STAC: variants seen among roughly 807,000 people sequenced by gnomAD.
The protein encoded by STAC is SH3 and cysteine-rich domain-containing protein.
Under a neutral mutation model 48.8 loss-of-function variants are expected in STAC, and 43 were observed. The observed-to-expected ratio is 0.88, with a 90% CI of 0.69 to 1.14. STAC has a LOEUF of 1.14. STAC is among the 50% of genes most tolerant of loss of function. The pLI is 0.00. For missense variants in STAC, 497 were observed against 504.0 expected, an observed-to-expected ratio of 0.99 and a Z score of 0.13; for synonymous variants, 193 against 179.5, an observed-to-expected ratio of 1.07 and a Z score of -0.60.
At chr3:36,384,431 T>C (rs1163248927) in intron 1 of STAC, among the ~76,000 whole-genome samples, 1 of 152,152 alleles carries the variant, frequency 6.6e-6, no homozygotes, top group Non-Finnish European at 1.5e-5. Flanking sequence ...GTGTGCTTTT[T>C]GTAAGGCCTA....
chr3:36,437,946 A>G (rs1276573258), intron 1 of STAC, among the ~76,000 whole-genome samples: 1 of 147,952 alleles, frequency 6.8e-6, no homozygotes, highest in Non-Finnish European at 1.5e-5. Context: ...TATTATTATT[A>G]TTATTATTAT....
At chr3:36,482,847 A>G in intron 2 of STAC, 145 bp from the exon 3 acceptor site, 1 of 617,630 alleles carries the variant, frequency 1.6e-6, no homozygotes, top group Non-Finnish European at 2.9e-6. Context: ...AGAATCTACC[A>G]TATATATTTT....
At chr3:36,383,538 T>C (rs1323345681) in intron 1 of STAC, among the ~76,000 whole-genome samples, 1 of 152,196 alleles carries the variant, frequency 6.6e-6, no homozygotes, top group Non-Finnish European at 1.5e-5. Flanking sequence ...AAATATGCTA[T>C]CAGGTTACAT....
chr3:36,396,865 C>A (rs867362508), intron 1 of STAC, among the ~76,000 whole-genome samples: 1 of 152,088 alleles, frequency 6.6e-6, no homozygotes, highest in Non-Finnish European at 1.5e-5. Flanking sequence ...TGACTCTATA[C>A]TGCTGTTCTC....
At chr3:36,479,462 C>T (rs977222607) in intron 2 of STAC, among the ~76,000 whole-genome samples, 2 of 152,140 alleles carry the variant, frequency 1.3e-5, no homozygotes, top group African/African-American at 4.8e-5. Context: ...AGAGTATATG[C>T]TTTGTTTTTA....
In STAC at chr3:36,380,525, G is replaced by A; in HGVS notation, c.-119G>A. 2 of 738,680 alleles carry A rather than the reference G, an allele frequency of 2.7e-6. No homozygotes were observed. Among genetic ancestry groups the A allele is most frequent in the Admixed American group, 2.5e-5 (1 of 40,040 alleles). The allele number at this position is 738,680 out of a possible 1,614,324, so 45.8% of individuals were successfully genotyped here. On this transcript the variant is annotated 5_prime_UTR_variant, in exon 1 of 11. Coordinates refer to ENST00000273183, the MANE Select transcript of STAC (RefSeq NM_003149.3). ...TGGAGGAGGGCACGTCGGCGCCTCG[G>A]CGAGGATGGGAGTCCCCAGGACCCG... is the stretch of plus-strand genomic sequence containing the variant.
intron 10 of STAC, among the ~76,000 whole-genome samples, chr3:36,531,194 C>T (rs1055736095): frequency 1.3e-5 from 2 of 152,138 alleles, no homozygotes; most frequent in Non-Finnish European, 1.5e-5. Context: ...CATGAAATTG[C>T]TCAACTTCAT....
intron 8 of STAC, among the ~76,000 whole-genome samples, chr3:36,506,687 G>A (rs193184694): frequency 1.9e-3 from 286 of 152,090 alleles, no homozygotes; most frequent in African/African-American, 6.5e-3. Context: ...TCTCTTTGTA[G>A]CAATTGTGAA....
chr3:36,490,281 G>A (rs1697932413), intron 5 of STAC, among the ~76,000 whole-genome samples: 1 of 152,128 alleles, frequency 6.6e-6, no homozygotes. Context: ...GGGGAGTGAG[G>A]AGGGCCATTG....
chr3:36,383,037 A>G (rs1699545769), intron 1 of STAC, among the ~76,000 whole-genome samples: 1 of 152,226 alleles, frequency 6.6e-6, no homozygotes, highest in African/African-American at 2.4e-5. Flanking sequence ...TTATAAGAGT[A>G]ACAAATACTC....
chr3:36,478,799 T>C (rs1697562342), intron 2 of STAC, among the ~76,000 whole-genome samples: 1 of 152,142 alleles, frequency 6.6e-6, no homozygotes, highest in Non-Finnish European at 1.5e-5. Context: ...GTTTTTGAAT[T>C]TGTAGTAGAG....
rs765313356 is a variant in STAC, at chr3:36,380,632, C to A, written c.-12C>A. ...TCCTCCGGGAGCCCAACACCGTTCC[C>A]GCGCGGCCACGATGATCCCTCCGAG... On this transcript the variant is annotated 5_prime_UTR_variant, in exon 1 of 11. Coordinates refer to ENST00000273183, the MANE Select transcript of STAC (RefSeq NM_003149.3). The A allele has an allele frequency of 2.5e-6, 4 of 1,571,386 alleles. No individual in the cohort carries two copies. The highest frequency in any genetic ancestry group is 3.5e-6 in the Non-Finnish European group (4 of 1,156,746).
At chr3:36,536,230 T>C (rs1469942614) in intron 10 of STAC, among the ~76,000 whole-genome samples, 4 of 151,824 alleles carry the variant, frequency 2.6e-5, no homozygotes, top group African/African-American at 9.7e-5. Context: ...CTTCACAGAA[T>C]TAGAAAAAAA....
chr3:36,386,407 G>GA (rs33997783), intron 1 of STAC, among the ~76,000 whole-genome samples: 3,068 of 145,612 alleles, frequency 0.021, 50 homozygotes, highest in African/African-American at 0.043. Flanking sequence ...CTTCTACACT[G>GA]AAAAAAAAAA....
chr3:36,437,400 G>GAC (rs1198512068), intron 1 of STAC, among the ~76,000 whole-genome samples: 1 of 151,706 alleles, frequency 6.6e-6, no homozygotes, highest in Non-Finnish European at 1.5e-5. Context: ...TGTTAGACTG[G>GAC]ATTAAGAAAA....
In STAC at chr3:36,485,878, G is replaced by A. The variant is rs989671100; in HGVS notation, c.572-256G>A. On this transcript the variant is annotated intron_variant, in intron 4 of 10. Coordinates refer to ENST00000273183, the MANE Select transcript of STAC (RefSeq NM_003149.3). ...AACCTGGAAATCAGAGAGGAATAACGAAAGAGGAAATTCAATCAGGAAGAA... is the reference window on the plus strand; with the variant it reads ...AACCTGGAAATCAGAGAGGAATAACAAAAGAGGAAATTCAATCAGGAAGAA... The A allele has an allele frequency of 1.0e-4, 33 of 318,618 alleles. 1 individual carries two copies. In the Middle Eastern group the frequency reaches 2.6e-3, roughly 25 times the overall value. 19.7% of individuals were successfully genotyped at this position (318,618 alleles called of 1,614,324 possible).
At chr3:36,475,895 T>C (rs1697480246) in intron 2 of STAC, among the ~76,000 whole-genome samples, 1 of 152,230 alleles carries the variant, frequency 6.6e-6, no homozygotes, top group Non-Finnish European at 1.5e-5. Flanking sequence ...GAACAGTATC[T>C]GGCCTGCACT....
intron 8 of STAC, among the ~76,000 whole-genome samples, chr3:36,507,341 C>A (rs891414933): frequency 6.6e-6 from 1 of 152,052 alleles, no homozygotes; most frequent in Non-Finnish European, 1.5e-5. Flanking sequence ...TGAGGATTTT[C>A]ACATCGATGT....
chr3:36,398,233 A>C (rs1486550546), intron 1 of STAC, among the ~76,000 whole-genome samples: 1 of 151,714 alleles, frequency 6.6e-6, no homozygotes, highest in Non-Finnish European at 1.5e-5. Context: ...CTAAAATGTT[A>C]CCTGCCAGTT....
Sources: allele counts gnomAD v4.1 joint callset (sites outside exome capture counted in the v4.1 genomes callset), GRCh38; gene constraint gnomAD v4.1.1; transcripts MANE v1.5; gene names NCBI Gene and HGNC (gene_info 2026-07-23, HGNC 2026-07-21).